NLGN1: variants seen among roughly 807,000 people sequenced by gnomAD.
NLGN1 encodes neuroligin 1.
NLGN1 carries 12 observed loss-of-function variants against 65.5 expected under a neutral mutation model. That is an observed-to-expected ratio of 0.18 (90% CI 0.12 to 0.30). NLGN1 has a LOEUF of 0.30. Ranked by LOEUF, NLGN1 falls within the 10% of genes least tolerant of loss-of-function variation. The probability of loss-of-function intolerance (pLI) is 1.00; values close to 1 mark genes in which losing one functional copy is unlikely to be tolerated. For synonymous variants in NLGN1, 350 were observed against 359.5 expected (o/e 0.97, Z 0.30); for missense variants, 750 against 1,007.1 (o/e 0.74, Z 3.46).
chr3:174,274,035 TC>T, intron 4 of NLGN1, among the ~76,000 whole-genome samples: 1 of 151,812 alleles, frequency 6.6e-6, no homozygotes, highest in African/African-American at 2.4e-5. Flanking sequence ...GTTATCACAA[TC>T]ATTGACCCAT....
intron 4 of NLGN1, among the ~76,000 whole-genome samples, chr3:174,073,887 A>G (rs1740397989): frequency 6.6e-6 from 1 of 152,226 alleles, no homozygotes; most frequent in Non-Finnish European, 1.5e-5. Flanking sequence ...CTTTTAGTTA[A>G]ATAAATGATA....
intron 2 of NLGN1, among the ~76,000 whole-genome samples, chr3:173,457,286 A>G (rs1250877554): frequency 3.3e-5 from 5 of 152,140 alleles, no homozygotes. Flanking sequence ...ATAGTACCAG[A>G]AACAGAGGAC....
At chr3:174,059,946 T>G (rs1737035536) in intron 4 of NLGN1, among the ~76,000 whole-genome samples, 2 of 152,160 alleles carry the variant, frequency 1.3e-5, no homozygotes, top group Non-Finnish European at 2.9e-5. Flanking sequence ...AACCAATTTC[T>G]GCAGCTTCTG....
intron 4 of NLGN1, among the ~76,000 whole-genome samples, chr3:173,916,157 T>C (rs868635924): frequency 1.3e-5 from 2 of 152,164 alleles, no homozygotes; most frequent in Non-Finnish European, 2.9e-5. Flanking sequence ...ACTAGCACAG[T>C]GTTAGCATGT....
intron 2 of NLGN1, among the ~76,000 whole-genome samples, chr3:173,525,167 G>C (rs1735417884): frequency 6.6e-6 from 1 of 152,110 alleles, no homozygotes; most frequent in Non-Finnish European, 1.5e-5. Flanking sequence ...AGTAAAATTG[G>C]TACCAGCTCC....
chr3:173,487,470 T>C (rs991904038), intron 2 of NLGN1, among the ~76,000 whole-genome samples: 1 of 152,040 alleles, frequency 6.6e-6, no homozygotes, highest in Non-Finnish European at 1.5e-5. Flanking sequence ...TTCGTAATTA[T>C]CTATTAAGTA....
At chr3:173,690,532 T>C (rs1765313842) in intron 3 of NLGN1, among the ~76,000 whole-genome samples, 1 of 152,202 alleles carries the variant, frequency 6.6e-6, no homozygotes, top group South Asian at 2.1e-4. Flanking sequence ...AAATAATATA[T>C]ACTATAAATA....
intron 4 of NLGN1, among the ~76,000 whole-genome samples, chr3:173,843,320 A>G (rs1011502311): frequency 1.4e-5 from 2 of 147,788 alleles, no homozygotes; most frequent in African/African-American, 2.7e-5. Context: ...CATTTTTCCT[A>G]TTGTCTTGGG....
At chr3:173,661,463 G>A (rs1760919981) in intron 3 of NLGN1, among the ~76,000 whole-genome samples, 2 of 151,952 alleles carry the variant, frequency 1.3e-5, no homozygotes, top group African/African-American at 4.8e-5. Context: ...GGGTGAAGAA[G>A]CCTCCCAAAT....
chr3:173,604,653 T>A, exon 3 of NLGN1: 1 of 1,613,664 alleles, frequency 6.2e-7, no homozygotes, highest in Non-Finnish European at 8.5e-7. Flanking sequence ...AGTGATGGCA[T>A]GCTTGGTACA....
intron 3 of NLGN1, among the ~76,000 whole-genome samples, chr3:173,774,834 G>T (rs867317257): frequency 6.6e-6 from 1 of 151,584 alleles, no homozygotes; most frequent in Non-Finnish European, 1.5e-5. Flanking sequence ...CAGCCCCCTC[G>T]CACGCACATT....
intron 2 of NLGN1, among the ~76,000 whole-genome samples, chr3:173,555,573 C>A (rs572242186): frequency 1.3e-5 from 2 of 152,102 alleles, no homozygotes; most frequent in Non-Finnish European, 2.9e-5. Context: ...TCAAAATCCC[C>A]GGGCTCAGGT....
chr3:173,861,548 GT>G (rs1729093911), intron 4 of NLGN1, among the ~76,000 whole-genome samples: 3 of 142,126 alleles, frequency 2.1e-5, no homozygotes, highest in African/African-American at 8.4e-5. Flanking sequence ...GTGTGTGTGT[GT>G]GTGTGTGTAT....
intron 4 of NLGN1, among the ~76,000 whole-genome samples, chr3:174,009,869 CA>C (rs1725181370): frequency 6.6e-6 from 1 of 151,994 alleles, no homozygotes; most frequent in Non-Finnish European, 1.5e-5. Flanking sequence ...TTTCAATAGG[CA>C]GAGAGCATTT....
intron 1 of NLGN1, among the ~76,000 whole-genome samples, chr3:173,406,024 C>T (rs150925819): frequency 5.6e-4 from 85 of 152,044 alleles, no homozygotes; most frequent in African/African-American, 1.9e-3. Flanking sequence ...TAACATGTAT[C>T]ATATAACTTT....
At chr3:174,032,646 G>A (rs969462532) in intron 4 of NLGN1, among the ~76,000 whole-genome samples, 3 of 152,072 alleles carry the variant, frequency 2.0e-5, no homozygotes, top group Non-Finnish European at 4.4e-5. Context: ...CACTCTCATG[G>A]GCTTTACCTC....
chr3:173,541,453 A>C (rs955725685), intron 2 of NLGN1, among the ~76,000 whole-genome samples: 19 of 152,126 alleles, frequency 1.2e-4, no homozygotes, highest in African/African-American at 3.9e-4. Context: ...GAACATTAAT[A>C]TCATTTCTTA....
intron 4 of NLGN1, among the ~76,000 whole-genome samples, chr3:173,833,944 C>T (rs769230867): frequency 2.2e-4 from 34 of 151,854 alleles, no homozygotes; most frequent in Middle Eastern, 3.4e-3. Flanking sequence ...TTTCAAGTCA[C>T]TCAGATTTTT....
At chr3:173,964,962 T>C (rs1307467354) in intron 4 of NLGN1, among the ~76,000 whole-genome samples, 1 of 152,148 alleles carries the variant, frequency 6.6e-6, no homozygotes, top group Non-Finnish European at 1.5e-5. Context: ...TGAGTAAAAA[T>C]ATTCACAGTT....
Sources: gnomAD v4.1 joint callset for allele counts (sites outside exome capture counted in the v4.1 genomes callset) on GRCh38, gnomAD v4.1.1 for gene constraint, MANE v1.5 for transcripts, NCBI Gene and HGNC (gene_info 2026-07-23, HGNC 2026-07-21) for gene names.